Variants in N4BP2 observed in about 807,000 individuals in gnomAD.
The protein encoded by N4BP2 is NEDD4 binding protein 2.
N4BP2 carries 91 observed loss-of-function variants against 152.8 expected under a neutral mutation model. The ratio of observed to expected loss-of-function variants is 0.60; its 90% CI spans 0.50 to 0.71. N4BP2 has a LOEUF of 0.71. Ranked by LOEUF, N4BP2 falls within the 30% of genes least tolerant of loss-of-function variation. N4BP2 has a pLI of 0.00. For synonymous variants in N4BP2, 646 were observed against 705.3 expected, an observed-to-expected ratio of 0.92 and a Z score of 1.33; for missense variants, 1,923 against 2,059.1, an observed-to-expected ratio of 0.93 and a Z score of 1.28.
Position 40,126,145 on chromosome 4 carries a change from G to T in N4BP2, c.4342G>T (p.Val1448Phe), listed in dbSNP as rs752427915. The change falls in exon 12 of 18, where the codon GTT (valine) becomes TTT (phenylalanine). Residue 1448 changes from valine to phenylalanine, a missense_variant. Val to Phe is a conservative substitution (Grantham distance 50). Transcript: ENST00000261435. ...CGKFMQDPSL[V>F]GHTGLDNPEQ... ...ATACTACTTTGTAGATCCTTCCTTG[G>T]TTGGACATACTGGGCTTGATAATCC... 7.6e-6 allele frequency: 12 copies of T among 1,583,958 alleles called. No homozygotes were observed. Among genetic ancestry groups the T allele is most frequent in the Non-Finnish European group, 1.0e-5 (12 of 1,169,430 alleles).
intron 1 of N4BP2, among the ~76,000 whole-genome samples, chr4:40,066,322 T>C (rs1366306758): frequency 5.4e-5 from 4 of 74,366 alleles, no homozygotes; most frequent in Non-Finnish European, 1.2e-4. Context: ...GATTTTCCCT[T>C]TTTTTTTTTT....
the N4BP2 span, among the ~76,000 whole-genome samples, chr4:40,176,518 G>T: frequency 6.6e-6 from 1 of 152,206 alleles, no homozygotes; most frequent in African/African-American, 2.4e-5. Flanking sequence ...GTACTCCCGA[G>T]GTGATTCTGA....
chr4:40,121,973 T>C lies in N4BP2; in HGVS notation c.3862T>C (p.Phe1288Leu), dbSNP rs769774788. The change falls in exon 9 of 18, where the codon TTT becomes CTT. Residue 1288 changes from phenylalanine to leucine, a missense_variant. Physicochemically the swap from Phe to Leu is conservative, Grantham distance 22 (BLOSUM62 0). Transcript: ENST00000261435. The stretch of plus-strand genomic sequence containing the variant: ...TTCTCCTTCACATTTCTCTGATATT[T>C]TTAACTTTGTATCTAGTACTTCAAA... ...IHSPSHFSDIFNFVSSTSNLE... is the reference protein window; with the variant it reads ...IHSPSHFSDILNFVSSTSNLE... 6.4e-7 allele frequency: 1 copy of C among 1,556,524 alleles called. No individual in the cohort carries two copies. The highest frequency in any genetic ancestry group is 2.3e-5 in the East Asian group (1 of 44,360).
At chr4:40,140,696 G>A (rs1719839149) in intron 14 of N4BP2, among the ~76,000 whole-genome samples, 1 of 151,602 alleles carries the variant, frequency 6.6e-6, no homozygotes, top group African/African-American at 2.4e-5. Context: ...ATAAACAAGT[G>A]AACAAAGGTC....
intron 13 of N4BP2, among the ~76,000 whole-genome samples, chr4:40,134,919 CTCTT>C (rs1468406800): frequency 9.7e-5 from 9 of 93,156 alleles, no homozygotes; most frequent in African/African-American, 3.5e-4. Flanking sequence ...CTCTCTCTCT[CTCTT>C]TCTTTCTTTT....
At chr4:40,142,381 G>A (rs1030592403) in intron 14 of N4BP2, 5 of 310,958 alleles carry the variant, frequency 1.6e-5, no homozygotes, top group Non-Finnish European at 3.1e-5. Flanking sequence ...GACTGAACTC[G>A]CCTCTTCCAA....
intron 1 of N4BP2, among the ~76,000 whole-genome samples, chr4:40,071,904 T>G (rs902058068): frequency 6.6e-6 from 1 of 151,938 alleles, no homozygotes; most frequent in African/African-American, 2.4e-5. Context: ...TATTTTATTT[T>G]ATTTTATTTT....
intron 2 of N4BP2, among the ~76,000 whole-genome samples, chr4:40,081,819 A>T (rs201103053): frequency 6.8e-6 from 1 of 147,712 alleles, no homozygotes; most frequent in Non-Finnish European, 1.5e-5. Context: ...CTACTAAAAA[A>T]TACAAAAATA....
chr4:40,132,864 A>C (rs1219662456), intron 13 of N4BP2, among the ~76,000 whole-genome samples: 8 of 151,592 alleles, frequency 5.3e-5, no homozygotes, highest in Non-Finnish European at 1.0e-4. Flanking sequence ...TGCAGGTAGG[A>C]ATTGATTTAC....
chr4:40,141,835 C>G (rs887787818), intron 14 of N4BP2, among the ~76,000 whole-genome samples: 1 of 152,208 alleles, frequency 6.6e-6, no homozygotes, highest in African/African-American at 2.4e-5. Flanking sequence ...TCTGCAATCC[C>G]GGCACCTCGG....
At chr4:40,107,146 CTAG>C in intron 5 of N4BP2, 122 bp downstream of exon 5, 1 of 955,484 alleles carries the variant, frequency 1.0e-6, no homozygotes, top group East Asian at 2.8e-5. Flanking sequence ...GTTGCACAGG[CTAG>C]AGTGCAGTGG....
intron 11 of N4BP2, among the ~76,000 whole-genome samples, chr4:40,125,221 C>G (rs529427322): frequency 3.0e-4 from 45 of 152,222 alleles, no homozygotes; most frequent in Non-Finnish European, 5.1e-4. Flanking sequence ...TGTGCAAATG[C>G]CAGTGTCTAT....
Position 40,102,213 on chromosome 4 carries a change from A to G in N4BP2, c.368A>G (p.Glu123Gly). The change falls in exon 4 of 18, where the codon GAA (glutamate) becomes GGA (glycine). Residue 123 changes from glutamate to glycine, a missense_variant. Coordinates refer to ENST00000261435, the MANE Select transcript of N4BP2 (RefSeq NM_018177.6). ...ESKIMEKRPE[E>G]ESEDSKMDSF... ...AAAATAATGGAAAAACGTCCTGAAGAAGAGAGTGAAGATTCAAAAATGGAT... is the reference window on the plus strand; with the variant it reads ...AAAATAATGGAAAAACGTCCTGAAGGAGAGAGTGAAGATTCAAAAATGGAT... 6.2e-7 allele frequency: 1 copy of G among 1,614,028 alleles called. No individual in the cohort carries two copies. The highest frequency in any genetic ancestry group is 8.5e-7 in the Non-Finnish European group (1 of 1,179,976).
At chr4:40,146,453 G>A (rs1720528369) in intron 16 of N4BP2, among the ~76,000 whole-genome samples, 1 of 152,068 alleles carries the variant, frequency 6.6e-6, no homozygotes, top group Non-Finnish European at 1.5e-5. Context: ...CAAGAATTGA[G>A]CCAGTGATGA....
chr4:40,141,759 C>T (rs1247652045), intron 14 of N4BP2, among the ~76,000 whole-genome samples: 7 of 152,290 alleles, frequency 4.6e-5, no homozygotes, highest in Admixed American at 3.3e-4. Context: ...GAGGTTGTAG[C>T]GAGCCGAGAT....
chr4:40,093,568 G>T lies in N4BP2; in HGVS notation c.-114-3659G>T, dbSNP rs184140981. Among the ~76,000 whole-genome samples, 55 of 151,030 alleles carry T rather than the reference G, an allele frequency of 3.6e-4. 1 individual carries two copies. The highest frequency in any genetic ancestry group is 3.6e-3 in the Admixed American group (55 of 15,112). ...ATTATAGGTGTGTGCCACCTTGCGT[G>T]GCTAATTTTTGTATTTGTATTATTT... On this transcript the variant is annotated intron_variant, in intron 2 of 17. Transcript: ENST00000261435.
the N4BP2 span, among the ~76,000 whole-genome samples, chr4:40,173,262 T>G: frequency 6.6e-6 from 1 of 152,062 alleles, no homozygotes; most frequent in South Asian, 2.1e-4. Context: ...CACCCAAAAT[T>G]GCAAAAGGTA....
chr4:40,139,828 C>CTT (rs1209677713), intron 14 of N4BP2, among the ~76,000 whole-genome samples: 12 of 97,814 alleles, frequency 1.2e-4, no homozygotes, highest in East Asian at 3.0e-4. Context: ...ATTTTTTTTT[C>CTT]TTTTTTTTTT....
At chr4:40,078,807 G>A (rs1359152967) in intron 2 of N4BP2, among the ~76,000 whole-genome samples, 2 of 149,552 alleles carry the variant, frequency 1.3e-5, no homozygotes, top group African/African-American at 2.5e-5. Context: ...GGATTACAGG[G>A]ATAAGCCACC....
Sources: gnomAD v4.1 joint callset for allele counts (sites outside exome capture counted in the v4.1 genomes callset) on GRCh38, gnomAD v4.1.1 for gene constraint, MANE v1.5 for transcripts, NCBI Gene and HGNC (gene_info 2026-07-23, HGNC 2026-07-21) for gene names.